Variants in DOCK4 observed in about 807,000 individuals in gnomAD.
DOCK4 encodes the protein dedicator of cytokinesis protein 4.
DOCK4 carries 97 observed loss-of-function variants against 268.1 expected under a neutral mutation model. The ratio of observed to expected loss-of-function variants is 0.36; its 90% CI spans 0.31 to 0.43. DOCK4 has a LOEUF of 0.43. Ranked by LOEUF, DOCK4 falls within the 20% of genes least tolerant of loss-of-function variation. The pLI is 1.00. For missense variants in DOCK4, 2,145 were observed against 2,455.7 expected (o/e 0.87, Z 2.67); for synonymous variants, 954 against 887.2 (o/e 1.08, Z -1.34).
chr7:111,875,818 C>G (rs1299625908), intron 17 of DOCK4, among the ~76,000 whole-genome samples: 1 of 152,162 alleles, frequency 6.6e-6, no homozygotes, highest in African/African-American at 2.4e-5. Context: ...TATTTGACCT[C>G]CAGAACTGCA....
At chr7:111,983,833 T>C (rs191548621) in intron 7 of DOCK4, among the ~76,000 whole-genome samples, 65 of 120,406 alleles carry the variant, frequency 5.4e-4, no homozygotes, top group African/African-American at 2.2e-3. Context: ...CTATTATGTA[T>C]GTACACACAC....
intron 1 of DOCK4, among the ~76,000 whole-genome samples, chr7:112,163,869 C>T (rs1381539285): frequency 6.6e-6 from 1 of 152,138 alleles, no homozygotes; most frequent in Non-Finnish European, 1.5e-5. Flanking sequence ...TAAGCAAGCA[C>T]ACACATTGAT....
chr7:112,114,693 G>C (rs1811965836), intron 1 of DOCK4, among the ~76,000 whole-genome samples: 1 of 152,138 alleles, frequency 6.6e-6, no homozygotes, highest in African/African-American at 2.4e-5. Flanking sequence ...GAGGGACTGA[G>C]ATTTTTATTG....
At chr7:112,012,619 T>G (rs1801434285) in intron 1 of DOCK4, among the ~76,000 whole-genome samples, 1 of 152,140 alleles carries the variant, frequency 6.6e-6, no homozygotes. Context: ...TAAAATATCA[T>G]TTTCCAACCA....
At chr7:111,904,390 T>C (rs1196174878) in intron 13 of DOCK4, among the ~76,000 whole-genome samples, 4 of 151,856 alleles carry the variant, frequency 2.6e-5, no homozygotes, top group East Asian at 1.9e-4. Context: ...TGAGCGATAA[T>C]AGGCACTGTG....
intron 31 of DOCK4, among the ~76,000 whole-genome samples, chr7:111,789,820 C>A (rs1799410500): frequency 6.6e-6 from 1 of 152,134 alleles, no homozygotes; most frequent in South Asian, 2.1e-4. Flanking sequence ...ACTGTGTGAA[C>A]AGACAGTAGG....
intron 11 of DOCK4, among the ~76,000 whole-genome samples, chr7:111,938,500 T>TAATAA (rs1794920281): frequency 6.6e-6 from 1 of 152,178 alleles, no homozygotes; most frequent in Non-Finnish European, 1.5e-5. Flanking sequence ...GTGGAAACCC[T>TAATAA]AATAAGTCTG....
intron 8 of DOCK4, 120 bp downstream of exon 8, chr7:111,977,012 G>A: frequency 1.7e-6 from 2 of 1,195,802 alleles, no homozygotes; most frequent in Non-Finnish European, 2.3e-6. Context: ...TTCTACTGGT[G>A]AGAAAATTGA....
chr7:111,872,882 A>G (rs1374905011), intron 17 of DOCK4, among the ~76,000 whole-genome samples: 3 of 152,226 alleles, frequency 2.0e-5, no homozygotes, highest in Non-Finnish European at 4.4e-5. Context: ...ACATCACAGT[A>G]GCACTTACAA....
chr7:112,130,442 G>A (rs1461530758), intron 1 of DOCK4, among the ~76,000 whole-genome samples: 3 of 152,116 alleles, frequency 2.0e-5, no homozygotes, highest in Admixed American at 1.3e-4. Flanking sequence ...AATGTCTTTT[G>A]CTAGTTAACA....
intron 1 of DOCK4, among the ~76,000 whole-genome samples, chr7:112,138,047 T>C (rs1030710227): frequency 4.6e-5 from 7 of 152,210 alleles, no homozygotes; most frequent in African/African-American, 1.7e-4. Context: ...ATCTCCCATA[T>C]GACATACTTG....
chr7:112,152,069 A>G (rs532655255), intron 1 of DOCK4, among the ~76,000 whole-genome samples: 1 of 152,288 alleles, frequency 6.6e-6, no homozygotes, highest in East Asian at 1.9e-4. Flanking sequence ...ATTAAAAGAC[A>G]TACAAATGAA....
intron 16 of DOCK4, among the ~76,000 whole-genome samples, chr7:111,888,674 A>G (rs927864818): frequency 6.6e-6 from 1 of 152,152 alleles, no homozygotes; most frequent in Non-Finnish European, 1.5e-5. Flanking sequence ...ACTCTGAACT[A>G]GGAACTAGAC....
At chr7:111,732,036 G>A (rs1236936807) in intron 52 of DOCK4, among the ~76,000 whole-genome samples, 190 bp downstream of exon 52, 1 of 152,226 alleles carries the variant, frequency 6.6e-6, no homozygotes, top group Admixed American at 6.5e-5. Context: ...AAATGGCTGC[G>A]TTTGTGCAGG....
chr7:112,142,088 T>G (rs757029566), intron 1 of DOCK4, among the ~76,000 whole-genome samples: 2 of 152,208 alleles, frequency 1.3e-5, no homozygotes, highest in Non-Finnish European at 2.9e-5. Flanking sequence ...AGGTTCTATG[T>G]GTTCTACATG....
chr7:112,066,974 G>A (rs1008918959), intron 1 of DOCK4, among the ~76,000 whole-genome samples: 2 of 146,620 alleles, frequency 1.4e-5, no homozygotes, highest in African/African-American at 5.0e-5. Context: ...GCAAAACCCC[G>A]TCTCCACACA....
intron 1 of DOCK4, among the ~76,000 whole-genome samples, chr7:112,205,440 G>T (rs1821315560): frequency 6.6e-6 from 1 of 152,026 alleles, no homozygotes; most frequent in South Asian, 2.1e-4. Context: ...AAAGACCAAA[G>T]AACCGAGCGG....
intron 12 of DOCK4, among the ~76,000 whole-genome samples, chr7:111,928,269 T>G (rs1793896439): frequency 6.6e-6 from 1 of 152,302 alleles, no homozygotes; most frequent in African/African-American, 2.4e-5. Context: ...ATCTGATTAT[T>G]TTAATTTACT....
intron 23 of DOCK4, among the ~76,000 whole-genome samples, chr7:111,851,181 A>G (rs1437635866): frequency 1.3e-5 from 2 of 152,188 alleles, no homozygotes; most frequent in Non-Finnish European, 1.5e-5. Context: ...GCGGTGGCTC[A>G]CACCTGTAAT....
Sources: allele counts gnomAD v4.1 joint callset (sites outside exome capture counted in the v4.1 genomes callset), GRCh38; gene constraint gnomAD v4.1.1; transcripts MANE v1.5; gene names NCBI Gene and HGNC (gene_info 2026-07-23, HGNC 2026-07-21).